RREB1: variants seen among roughly 807,000 people sequenced by gnomAD.
RREB1 encodes ras-responsive element-binding protein 1.
In RREB1, 27 loss-of-function variants were observed where a neutral mutation model predicts 117.8. The ratio of observed to expected loss-of-function variants is 0.23; its 90% CI spans 0.17 to 0.32. RREB1 has a LOEUF of 0.32. RREB1 is among the 10% of genes least tolerant of loss of function. The probability of loss-of-function intolerance (pLI) is 1.00; values close to 1 mark genes in which losing one functional copy is unlikely to be tolerated. For missense variants in RREB1, 2,577 were observed against 2,378.2 expected (o/e 1.08, Z -1.74); for synonymous variants, 1,298 against 1,026.7 (o/e 1.26, Z -5.05).
intron 1 of RREB1, among the ~76,000 whole-genome samples, chr6:7,127,086 A>G (rs1377979334): frequency 6.6e-6 from 1 of 152,150 alleles, no homozygotes; most frequent in African/African-American, 2.4e-5. Flanking sequence ...AGGACAGGGT[A>G]GGGCAAAAAG....
At chr6:7,189,694 C>T (rs562251191) in intron 6 of RREB1, among the ~76,000 whole-genome samples, 1 of 152,240 alleles carries the variant, frequency 6.6e-6, no homozygotes, top group Admixed American at 6.5e-5. Flanking sequence ...CTACCAGATT[C>T]CTGACAGACC....
intron 6 of RREB1, among the ~76,000 whole-genome samples, chr6:7,191,586 A>G (rs931926752): frequency 6.6e-6 from 1 of 152,210 alleles, no homozygotes; most frequent in African/African-American, 2.4e-5. Flanking sequence ...CATCATAACA[A>G]TACTAACTCG....
At chr6:7,189,556 C>G (rs1447182317) in intron 6 of RREB1, among the ~76,000 whole-genome samples, 1 of 152,140 alleles carries the variant, frequency 6.6e-6, no homozygotes, top group Non-Finnish European at 1.5e-5. Context: ...AGAGTCATTT[C>G]CCCTCTGCCA....
chr6:7,248,614 C>T lies in RREB1; in HGVS notation c.4875C>T (p.His1625=), dbSNP rs760365882. The T allele has an allele frequency of 3.1e-6, 5 of 1,614,146 alleles. No homozygotes were observed. Among genetic ancestry groups the T allele is most frequent in the Non-Finnish European group, 3.4e-6 (4 of 1,180,054 alleles). Residue 1625 remains histidine (H), a synonymous_variant, in exon 13 of 13, where the codon CAC becomes CAT. Coordinates refer to ENST00000379938, the MANE Select transcript of RREB1 (RefSeq NM_001003699.4). ...RIHQKARHAK[H]HGKDSDKEER... ...ACCAGAAAGCCAGGCATGCCAAACA[C>T]CACGGGAAGGACAGCGACAAGGAAG...
Position 7,160,970 on chromosome 6 carries a change from C to G in RREB1, c.-284-15685C>G, listed in dbSNP as rs1763632392. Reference sequence around the variant, plus strand: ...AAGTGCTGGGATTACAGGCGTGAGCCACTGCACCCGGCCCACATCTGGGTA... The same window carrying G: ...AAGTGCTGGGATTACAGGCGTGAGCGACTGCACCCGGCCCACATCTGGGTA... On this transcript the variant is annotated intron_variant, in intron 1 of 12. Transcript: ENST00000379938. Among the ~76,000 whole-genome samples the G allele has an allele frequency of 2.0e-5, 3 of 152,214 alleles. 1 individual carries two copies. The highest frequency in any genetic ancestry group is 6.5e-5 in the Admixed American group (1 of 15,280).
At chr6:7,220,780 C>A (rs995745290) in intron 8 of RREB1, among the ~76,000 whole-genome samples, 1 of 152,224 alleles carries the variant, frequency 6.6e-6, no homozygotes, top group Non-Finnish European at 1.5e-5. Context: ...ATTTTGCAAT[C>A]GTGCTCTTTA....
chr6:7,158,865 C>T (rs1222992872), intron 1 of RREB1, among the ~76,000 whole-genome samples: 1 of 148,932 alleles, frequency 6.7e-6, no homozygotes, highest in Non-Finnish European at 1.5e-5. Context: ...TTTTCAGACT[C>T]TTTTTTTTTT....
intron 1 of RREB1, among the ~76,000 whole-genome samples, chr6:7,174,922 A>T (rs1437113086): frequency 6.6e-6 from 1 of 151,814 alleles, no homozygotes; most frequent in Non-Finnish European, 1.5e-5. Flanking sequence ...TTATTTATTT[A>T]TTTATTTTAA....
intron 2 of RREB1, among the ~76,000 whole-genome samples, chr6:7,178,579 T>A (rs1764627695): frequency 6.6e-6 from 1 of 152,360 alleles, no homozygotes; most frequent in Middle Eastern, 3.4e-3. Flanking sequence ...ATAGAAGACA[T>A]AAGAACAAAC....
chr6:7,157,159 C>A (rs1303070659), intron 1 of RREB1, among the ~76,000 whole-genome samples: 1 of 152,156 alleles, frequency 6.6e-6, no homozygotes, highest in African/African-American at 2.4e-5. Context: ...TGGCTGGGCG[C>A]GGTGGCTCAC....
intron 1 of RREB1, among the ~76,000 whole-genome samples, chr6:7,173,823 C>A (rs1333293922): frequency 1.3e-5 from 2 of 152,096 alleles, no homozygotes; most frequent in Non-Finnish European, 2.9e-5. Flanking sequence ...AGGAAAGAAA[C>A]CCTCGGGTTT....
intron 8 of RREB1, chr6:7,214,483 G>A (rs1766795437): frequency 6.6e-6 from 1 of 152,452 alleles, no homozygotes; most frequent in African/African-American, 2.4e-5. Flanking sequence ...TGCTAGATGG[G>A]GTGGGGCTGG....
intron 1 of RREB1, among the ~76,000 whole-genome samples, chr6:7,163,750 G>GT (rs1763786095): frequency 6.6e-6 from 1 of 152,214 alleles, no homozygotes; most frequent in South Asian, 2.1e-4. Context: ...GTGTGAGCAC[G>GT]TGTGTGCCTG....
chr6:7,234,463 G>C (rs1015467666), intron 10 of RREB1, among the ~76,000 whole-genome samples: 4 of 152,138 alleles, frequency 2.6e-5, no homozygotes, highest in African/African-American at 7.2e-5. Flanking sequence ...TGCCTGATAT[G>C]TGTTCCCATT....
At chr6:7,119,273 C>A (rs7740814) in intron 1 of RREB1, among the ~76,000 whole-genome samples, 2,758 of 152,104 alleles carry the variant, frequency 0.018, 69 homozygotes, top group African/African-American at 0.06. Context: ...ATCGCTTGAA[C>A]CCTGGAGGCA....
chr6:7,190,614 C>T (rs1477411192), intron 6 of RREB1, among the ~76,000 whole-genome samples: 1 of 152,212 alleles, frequency 6.6e-6, no homozygotes, highest in East Asian at 1.9e-4. Context: ...CTTTGCCCCT[C>T]ATCTCTTCCT....
rs1395134039 is a variant in RREB1 at position 7,231,799 on chromosome 6, G to A, written c.3700G>A (p.Ala1234Thr). 1 of 1,613,726 alleles carries A rather than the reference G, an allele frequency of 6.2e-7. No individual in the cohort carries two copies. Among genetic ancestry groups the A allele is most frequent in the Non-Finnish European group, 8.5e-7 (1 of 1,180,024 alleles). ...TCCCCCAGAAGACAAGCTGCTGAGG[G>A]CCAAGCGGAACTCGTACACCAACTG... ...GSPPEDKLLR[A>T]KRNSYTNCLQ... is the part of the protein sequence containing the mutation. Residue 1234 changes from alanine to threonine, a missense_variant, in exon 10 of 13, where the codon GCC becomes ACC. Transcript: ENST00000379938.
chr6:7,119,480 G>T (rs1761570210), intron 1 of RREB1, among the ~76,000 whole-genome samples: 1 of 152,198 alleles, frequency 6.6e-6, no homozygotes, highest in African/African-American at 2.4e-5. Flanking sequence ...GTCAAGGAAG[G>T]CACCTTGTGG....
At chr6:7,191,194 G>A (rs115393671) in intron 6 of RREB1, among the ~76,000 whole-genome samples, 1,889 of 152,058 alleles carry the variant, frequency 0.012, 18 homozygotes, top group Non-Finnish European at 0.021. Context: ...TCTGTATTAC[G>A]TGAACACATG....
Sources: allele counts gnomAD v4.1 joint callset (sites outside exome capture counted in the v4.1 genomes callset), GRCh38; gene constraint gnomAD v4.1.1; transcripts MANE v1.5; gene names NCBI Gene and HGNC (gene_info 2026-07-23, HGNC 2026-07-21).